CCSER1: variants seen among roughly 807,000 people sequenced by gnomAD.
The protein encoded by CCSER1 is serine-rich coiled-coil domain-containing protein 1.
Under a neutral mutation model 82.0 loss-of-function variants are expected in CCSER1, and 41 were observed. That is an observed-to-expected ratio of 0.50 (90% CI 0.39 to 0.65). The LOEUF is 0.65. Among genes scored for constraint, CCSER1 ranks in the 30% least tolerant of loss-of-function variants. The probability of loss-of-function intolerance (pLI) is 0.00; values close to 1 mark genes in which losing one functional copy is unlikely to be tolerated. For missense variants in CCSER1, 1,119 were observed against 1,064.2 expected (o/e 1.05, Z -0.72); for synonymous variants, 414 against 383.9 (o/e 1.08, Z -0.92).
intron 1 of CCSER1, among the ~76,000 whole-genome samples, chr4:90,225,652 A>AG (rs1200859008): frequency 6.6e-6 from 1 of 152,160 alleles, no homozygotes; most frequent in Non-Finnish European, 1.5e-5. Context: ...CTATACAGTT[A>AG]GGTTATTGCT....
intron 3 of CCSER1, among the ~76,000 whole-genome samples, chr4:90,330,999 A>AT (rs961592155): frequency 1.1e-4 from 16 of 151,312 alleles, no homozygotes; most frequent in South Asian, 2.1e-4. Flanking sequence ...TTTCTACAGA[A>AT]TTTTTTTTTC....
intron 7 of CCSER1, among the ~76,000 whole-genome samples, chr4:90,796,661 C>T (rs1580512936): frequency 6.6e-6 from 1 of 151,970 alleles, no homozygotes; most frequent in African/African-American, 2.4e-5. Context: ...TATCTGTGTC[C>T]CAGGGATTCT....
At chr4:91,090,237 G>C (rs886079914) in intron 10 of CCSER1, among the ~76,000 whole-genome samples, 1 of 152,166 alleles carries the variant, frequency 6.6e-6, no homozygotes, top group East Asian at 1.9e-4. Flanking sequence ...TTTATGGGCA[G>C]TAGGAAGAAA....
At chr4:91,269,617 A>G (rs771224467) in intron 10 of CCSER1, among the ~76,000 whole-genome samples, 31 of 152,210 alleles carry the variant, frequency 2.0e-4, no homozygotes, top group Admixed American at 1.1e-3. Context: ...TTCCACATGT[A>G]TATACCATGA....
At chr4:91,496,854 A>AT (rs1178145014) in intron 10 of CCSER1, among the ~76,000 whole-genome samples, 46 of 109,352 alleles carry the variant, frequency 4.2e-4, no homozygotes, top group African/African-American at 1.4e-3. Context: ...TATATATTCA[A>AT]ATATATATTG....
At chr4:91,395,164 T>C (rs1361386113) in intron 10 of CCSER1, among the ~76,000 whole-genome samples, 1 of 152,082 alleles carries the variant, frequency 6.6e-6, no homozygotes, top group Non-Finnish European at 1.5e-5. Flanking sequence ...AGTAAAGCTT[T>C]AGGAAGACAG....
rs188970045 is a variant in CCSER1 at position 90,410,750 on chromosome 4, G to C, written c.1603+10621G>C. Among the ~76,000 whole-genome samples the C allele has an allele frequency of 1.1e-3, 166 of 152,136 alleles. 1 individual carries two copies. Among genetic ancestry groups the C allele is most frequent in the African/African-American group, 3.7e-3 (152 of 41,506 alleles). On this transcript the variant is annotated intron_variant, in intron 4 of 10. Transcript: ENST00000509176. ...AAGAGCAAACACATTCAACAGCTAG[G>C]AGAAGGCAAGAAATAACTAAGATCA... is the stretch of plus-strand genomic sequence containing the variant.
intron 10 of CCSER1, among the ~76,000 whole-genome samples, chr4:91,341,987 G>C (rs1454314251): frequency 2.0e-5 from 3 of 152,118 alleles, no homozygotes; most frequent in Admixed American, 6.6e-5. Flanking sequence ...AAGTAGGAAA[G>C]GGCACAGAGT....
intron 10 of CCSER1, among the ~76,000 whole-genome samples, chr4:91,151,144 A>C (rs1730148817): frequency 6.6e-6 from 1 of 152,100 alleles, no homozygotes; most frequent in South Asian, 2.1e-4. Flanking sequence ...CCTCAATTTC[A>C]GAGTCTGTTA....
intron 8 of CCSER1, among the ~76,000 whole-genome samples, chr4:90,882,507 T>TATATCATAAG (rs1260816178): frequency 6.6e-6 from 1 of 152,088 alleles, no homozygotes; most frequent in Non-Finnish European, 1.5e-5. Flanking sequence ...CTGAACTGTC[T>TATATCATAAG]ATATCATAAG....
intron 8 of CCSER1, among the ~76,000 whole-genome samples, chr4:90,845,462 C>G (rs1327579354): frequency 2.6e-5 from 4 of 151,764 alleles, no homozygotes; most frequent in African/African-American, 9.7e-5. Flanking sequence ...ATAAATTTGC[C>G]CTTTCTCCCA....
At chr4:90,691,602 T>A (rs62314424) in intron 6 of CCSER1, among the ~76,000 whole-genome samples, 8,721 of 146,914 alleles carry the variant, frequency 0.059, 348 homozygotes, top group Admixed American at 0.12. Flanking sequence ...ATCACATGTG[T>A]ATATATCACA....
At chr4:90,345,188 C>T (rs1045653286) in intron 3 of CCSER1, among the ~76,000 whole-genome samples, 2 of 152,000 alleles carry the variant, frequency 1.3e-5, no homozygotes, top group African/African-American at 4.8e-5. Flanking sequence ...AAACATTTAA[C>T]AGAAATATGT....
intron 10 of CCSER1, among the ~76,000 whole-genome samples, chr4:91,090,660 CTCCTGTTACAGT>C (rs1723850439): frequency 6.6e-6 from 1 of 152,166 alleles, no homozygotes; most frequent in South Asian, 2.1e-4. Flanking sequence ...GGCCACTGAT[CTCCTGTTACAGT>C]TCCTCCACAA....
intron 6 of CCSER1, among the ~76,000 whole-genome samples, chr4:90,720,351 T>G (rs1217766569): frequency 2.6e-5 from 4 of 151,988 alleles, no homozygotes; most frequent in African/African-American, 9.7e-5. Flanking sequence ...GATATTTTAT[T>G]TAATAAAATT....
chr4:91,231,600 TAAAAAG>T lies in CCSER1; in HGVS notation c.2217+145612_2217+145617del, dbSNP rs149073131. 9.4e-3 allele frequency among the ~76,000 whole-genome samples: 1,426 copies of T among 151,648 alleles called. 21 individuals carry two copies. The highest frequency in any genetic ancestry group is 0.033 in the African/African-American group (1,349 of 41,476). On this transcript the variant is annotated intron_variant, in intron 10 of 10. Transcript: ENST00000509176. ...AAAGATAGATGACAGGAAATTCAATTAAAAAGAAAAAAGATAAAGACTCCTCTTTCA... is the reference window on the plus strand; with the variant it reads ...AAAGATAGATGACAGGAAATTCAATTAAAAAAGATAAAGACTCCTCTTTCA...
At chr4:90,825,432 C>T (rs182465474) in intron 8 of CCSER1, among the ~76,000 whole-genome samples, 6 of 152,076 alleles carry the variant, frequency 3.9e-5, no homozygotes, top group South Asian at 2.1e-4. Flanking sequence ...ATTTAACAAA[C>T]GCAACAATTT....
At chr4:91,398,202 G>GT (rs1314493355) in intron 10 of CCSER1, among the ~76,000 whole-genome samples, 7 of 151,826 alleles carry the variant, frequency 4.6e-5, no homozygotes, top group Non-Finnish European at 7.4e-5. Flanking sequence ...AAGCTGGCTG[G>GT]TTTTACTGTC....
At chr4:90,225,566 A>C (rs1578593132) in intron 1 of CCSER1, among the ~76,000 whole-genome samples, 1 of 152,220 alleles carries the variant, frequency 6.6e-6, no homozygotes, top group African/African-American at 2.4e-5. Context: ...ATAGAGGCTT[A>C]TAGAGGCTAT....
Sources: allele counts gnomAD v4.1 joint callset (sites outside exome capture counted in the v4.1 genomes callset), GRCh38; gene constraint gnomAD v4.1.1; transcripts MANE v1.5; gene names NCBI Gene and HGNC (gene_info 2026-07-23, HGNC 2026-07-21).